Variants in RBMS3 observed in about 807,000 individuals in gnomAD.
The protein encoded by RBMS3 is RNA binding motif single stranded interacting protein 3, also known as RNA-binding motif, single-stranded-interacting protein 3.
Under a neutral mutation model 66.8 loss-of-function variants are expected in RBMS3, and 27 were observed. The observed-to-expected ratio is 0.40, with a 90% confidence interval of 0.30 to 0.56. The LOEUF is 0.56. Ranked by LOEUF, RBMS3 falls within the 20% of genes least tolerant of loss-of-function variation. RBMS3 has a pLI of 0.40. For missense variants in RBMS3, 513 were observed against 549.5 expected, an observed-to-expected ratio of 0.93 and a Z score of 0.66; for synonymous variants, 188 against 183.0, an observed-to-expected ratio of 1.03 and a Z score of -0.22.
At chr3:29,372,177 G>T (rs1448947583) in intron 1 of RBMS3, among the ~76,000 whole-genome samples, 5 of 152,084 alleles carry the variant, frequency 3.3e-5, no homozygotes, top group Admixed American at 6.6e-5. Flanking sequence ...AACTACAAAA[G>T]AAATGATCTG....
intron 3 of RBMS3, among the ~76,000 whole-genome samples, chr3:29,501,507 T>C (rs2043972156): frequency 6.6e-6 from 1 of 152,194 alleles, no homozygotes; most frequent in African/African-American, 2.4e-5. Flanking sequence ...CATCCGACGC[T>C]GTTGCAAGCC....
chr3:29,708,692 G>C (rs2053020249), intron 4 of RBMS3, among the ~76,000 whole-genome samples: 2 of 152,152 alleles, frequency 1.3e-5, no homozygotes, highest in South Asian at 4.1e-4. Context: ...GGTCGTCTCT[G>C]ATGGGAAGCA....
At chr3:29,302,290 G>A (rs2033728651) in intron 1 of RBMS3, among the ~76,000 whole-genome samples, 1 of 152,030 alleles carries the variant, frequency 6.6e-6, no homozygotes, top group South Asian at 2.1e-4. Context: ...GGGATTACAG[G>A]CGTGAGCTAC....
At chr3:29,531,909 T>C (rs941536549) in intron 3 of RBMS3, among the ~76,000 whole-genome samples, 2 of 152,084 alleles carry the variant, frequency 1.3e-5, no homozygotes, top group African/African-American at 2.4e-5. Context: ...CCTAGTATTT[T>C]CCCTCTTTTT....
chr3:29,812,472 G>T (rs529677504), intron 6 of RBMS3, among the ~76,000 whole-genome samples: 1 of 152,148 alleles, frequency 6.6e-6, no homozygotes, highest in Non-Finnish European at 1.5e-5. Context: ...AAAGCTAAAA[G>T]CACCGGTGAA....
chr3:29,560,492 T>C (rs1248255100), intron 3 of RBMS3, among the ~76,000 whole-genome samples: 1 of 152,114 alleles, frequency 6.6e-6, no homozygotes, highest in Non-Finnish European at 1.5e-5. Flanking sequence ...CAAAGACAAA[T>C]AGAAACAAAA....
chr3:29,561,573 C>T (rs1428321575), intron 3 of RBMS3, among the ~76,000 whole-genome samples: 2 of 152,144 alleles, frequency 1.3e-5, no homozygotes, highest in African/African-American at 4.8e-5. Context: ...CTGCCTCAGC[C>T]TCCTGAGTAG....
intron 6 of RBMS3, among the ~76,000 whole-genome samples, chr3:29,805,140 G>A (rs1043387004): frequency 2.6e-5 from 4 of 151,822 alleles, no homozygotes; most frequent in Non-Finnish European, 4.4e-5. Flanking sequence ...ATATGATGGC[G>A]GTCTCATCGT....
intron 2 of RBMS3, among the ~76,000 whole-genome samples, chr3:29,457,748 A>G (rs1224450010): frequency 6.6e-6 from 1 of 151,952 alleles, no homozygotes; most frequent in Non-Finnish European, 1.5e-5. Flanking sequence ...CAGTTCTTGC[A>G]TGTTATAAAG....
chr3:29,370,722 A>G (rs564027837), intron 1 of RBMS3, among the ~76,000 whole-genome samples: 2 of 152,324 alleles, frequency 1.3e-5, no homozygotes, highest in African/African-American at 4.8e-5. Context: ...TTGGTTTTCT[A>G]AAAATAATAA....
At chr3:29,772,823 TGTTA>T (rs2056268301) in intron 6 of RBMS3, among the ~76,000 whole-genome samples, 2 of 152,034 alleles carry the variant, frequency 1.3e-5, no homozygotes, top group Admixed American at 6.6e-5. Flanking sequence ...AAAAAAATCT[TGTTA>T]GTTATTTTAA....
At chr3:29,634,953 G>A (rs1422170689) in intron 4 of RBMS3, among the ~76,000 whole-genome samples, 1 of 151,836 alleles carries the variant, frequency 6.6e-6, no homozygotes, top group Non-Finnish European at 1.5e-5. Context: ...GCTCTAACTA[G>A]AAGCATTCTG....
intron 1 of RBMS3, among the ~76,000 whole-genome samples, chr3:29,392,649 G>A (rs562547490): frequency 6.6e-6 from 1 of 152,042 alleles, no homozygotes. Context: ...TTTTAAAATT[G>A]CAAATAACAA....
chr3:29,496,177 G>C (rs1192002504), intron 3 of RBMS3, among the ~76,000 whole-genome samples: 2 of 137,972 alleles, frequency 1.4e-5, no homozygotes, highest in Admixed American at 7.7e-5. Flanking sequence ...AATGGGATTA[G>C]GTATACCCCG....
chr3:29,531,461 G>A (rs1400918060), intron 3 of RBMS3, among the ~76,000 whole-genome samples: 3 of 152,176 alleles, frequency 2.0e-5, no homozygotes, highest in Admixed American at 1.3e-4. Context: ...TATGAGATAC[G>A]TCTTTTATTC....
intron 4 of RBMS3, among the ~76,000 whole-genome samples, chr3:29,675,786 T>C (rs2051222687): frequency 6.6e-6 from 1 of 152,166 alleles, no homozygotes; most frequent in Admixed American, 6.6e-5. Flanking sequence ...CAATAGGTGC[T>C]GGAGAGGATG....
intron 8 of RBMS3, among the ~76,000 whole-genome samples, chr3:29,890,345 A>T (rs188117010): frequency 6.6e-6 from 1 of 151,778 alleles, no homozygotes. Context: ...ATAAGTGTCC[A>T]TAATAAAGTA....
At position 29,767,454 on chromosome 3, in the gene RBMS3, G is replaced by T. The variant is rs1454460702; in HGVS notation, c.637+4465G>T. 2.6e-5 allele frequency: 4 copies of T among 152,048 alleles called. No individual in the cohort carries two copies. In the East Asian group the frequency reaches 7.8e-4, roughly 30 times the overall value. 9.4% of individuals were successfully genotyped at this position (152,048 alleles called of 1,614,324 possible). ...TCTAAGAAGTAAGGAAAATTTGAGA[G>T]AAAGCCTACCACATTATGGGATCTT... On this transcript the variant is annotated intron_variant, in intron 6 of 14. Coordinates refer to ENST00000383767, the MANE Select transcript of RBMS3 (RefSeq NM_001003793.3).
At chr3:29,822,876 T>A (rs2058108262) in intron 6 of RBMS3, among the ~76,000 whole-genome samples, 2 of 152,152 alleles carry the variant, frequency 1.3e-5, no homozygotes, top group Non-Finnish European at 2.9e-5. Flanking sequence ...GTAAGAAATA[T>A]TCTAAAATCC....
Sources: gnomAD v4.1 joint callset for allele counts (sites outside exome capture counted in the v4.1 genomes callset) on GRCh38, gnomAD v4.1.1 for gene constraint, MANE v1.5 for transcripts, NCBI Gene and HGNC (gene_info 2026-07-23, HGNC 2026-07-21) for gene names.